GNB5: variants seen among roughly 807,000 people sequenced by gnomAD.
The protein encoded by GNB5 is guanine nucleotide-binding protein subunit beta-5.
In GNB5, 37 loss-of-function variants were observed where a neutral mutation model predicts 55.3. The observed-to-expected ratio is 0.67, with a 90% CI of 0.51 to 0.88. The LOEUF (loss-of-function observed/expected upper bound fraction) is 0.88. Among genes scored for constraint, GNB5 ranks in the 40% least tolerant of loss-of-function variants. The pLI is 0.00. For synonymous variants in GNB5, 219 were observed against 198.5 expected, an observed-to-expected ratio of 1.10 and a Z score of -0.87; for missense variants, 476 against 515.3, an observed-to-expected ratio of 0.92 and a Z score of 0.74.
intron 6 of GNB5, among the ~76,000 whole-genome samples, chr15:52,142,804 G>C (rs2033887384): frequency 6.6e-6 from 1 of 150,398 alleles, no homozygotes; most frequent in Non-Finnish European, 1.5e-5. Flanking sequence ...GAGGTACACA[G>C]GTGTATTCTT....
intron 9 of GNB5, 122 bp downstream of exon 9, chr15:52,133,256 T>A (rs1334041142): frequency 1.6e-6 from 1 of 643,598 alleles, no homozygotes; most frequent in African/African-American, 1.8e-5. Context: ...CAGCCTTTCT[T>A]CCCGGGGAGG....
chr15:52,137,266 G>A, intron 7 of GNB5: 1 of 1,148,886 alleles, frequency 8.7e-7, no homozygotes. Flanking sequence ...AAGGATCAAT[G>A]ACAACAGCAT....
At chr15:52,124,085 T>C (rs1447415545) in intron 12 of GNB5, among the ~76,000 whole-genome samples, 1 of 151,226 alleles carries the variant, frequency 6.6e-6, no homozygotes, top group East Asian at 1.9e-4. Context: ...GTGACCCTTG[T>C]CATCACAAGG....
At chr15:52,124,403 T>C (rs1031328530) in intron 12 of GNB5, 70 bp downstream of exon 12, 21 of 1,286,910 alleles carry the variant, frequency 1.6e-5, no homozygotes, top group African/African-American at 5.9e-5. Flanking sequence ...GCCTTCCCTC[T>C]GCTTCAGAAG....
At position 52,116,321 on chromosome 15, in the gene GNB5, CT is replaced by C. The variant is rs1280443981; in HGVS notation, c.*6435del. 2 of 152,182 alleles carry C rather than the reference CT, an allele frequency of 1.3e-5. No homozygotes were observed. The highest frequency in any genetic ancestry group is 3.8e-4 in the East Asian group (2 of 5,202). 9.4% of individuals were successfully genotyped at this position (152,182 alleles called of 1,614,324 possible). On this transcript the variant is annotated 3_prime_UTR_variant, in exon 13 of 13. Transcript: ENST00000261837. ...GACAGACATTTCCTGTTGTCACAGT[CT>C]TTACATAAACGCTCATACCATACTT...
At chr15:52,149,788 G>A in intron 5 of GNB5, 96 bp downstream of exon 5, 2 of 877,220 alleles carry the variant, frequency 2.3e-6, no homozygotes, top group Non-Finnish European at 3.8e-6. Context: ...GATACATGGA[G>A]AGAAATCAGG....
chr15:52,172,376 G>A (rs2034570323), intron 3 of GNB5, among the ~76,000 whole-genome samples: 1 of 151,774 alleles, frequency 6.6e-6, no homozygotes, highest in Non-Finnish European at 1.5e-5. Context: ...CAACTCCTGG[G>A]CTCAAGTGAT....
chr15:52,124,882 C>A (rs947331710), intron 11 of GNB5: 22 of 396,424 alleles, frequency 5.5e-5, no homozygotes, highest in Non-Finnish European at 9.1e-5. Flanking sequence ...AAGTGCTTTA[C>A]ACACGTAAAG....
chr15:52,159,489 G>C (rs1303307068), intron 3 of GNB5, among the ~76,000 whole-genome samples: 1 of 152,178 alleles, frequency 6.6e-6, no homozygotes, highest in African/African-American at 2.4e-5. Flanking sequence ...TGTCCAGGGA[G>C]AGGACGCTTG....
intron 2 of GNB5, 50 bp downstream of exon 2, chr15:52,184,501 G>A (rs372707673): frequency 1.4e-5 from 21 of 1,541,818 alleles, no homozygotes; most frequent in African/African-American, 2.7e-5. Flanking sequence ...CAGGACCCTC[G>A]CTTGACTGTT....
chr15:52,150,921 C>T (rs2034078425), intron 4 of GNB5, among the ~76,000 whole-genome samples: 1 of 152,174 alleles, frequency 6.6e-6, no homozygotes, highest in African/African-American at 2.4e-5. Context: ...TGGGGCCAAA[C>T]TTTGGTGAAT....
chr15:52,154,935 A>C (rs2034175670), intron 3 of GNB5, among the ~76,000 whole-genome samples: 1 of 152,190 alleles, frequency 6.6e-6, no homozygotes. Flanking sequence ...CAGGCTTTCT[A>C]GGGGCTTGCA....
chr15:52,115,231 A>T lies in GNB5; in HGVS notation c.*7526T>A, dbSNP rs2033125913. Reference sequence around the variant, plus strand: ...TTGGGGTAAATGATAAATCCTCTGGAACTGCCATTGGTAACTCAACAATGA... The same window carrying T: ...TTGGGGTAAATGATAAATCCTCTGGTACTGCCATTGGTAACTCAACAATGA... On this transcript the variant is annotated 3_prime_UTR_variant, in exon 13 of 13. Coordinates refer to ENST00000261837, the MANE Select transcript of GNB5 (RefSeq NM_016194.4). The T allele has an allele frequency of 6.6e-6, 1 of 152,192 alleles. No homozygotes were observed. Among genetic ancestry groups the T allele is most frequent in the African/African-American group, 2.4e-5 (1 of 41,424 alleles). The allele number at this position is 152,192 out of a possible 1,614,324, so 9.4% of individuals were successfully genotyped here.
chr15:52,149,777 G>C, intron 5 of GNB5, 107 bp downstream of exon 5: 1 of 812,734 alleles, frequency 1.2e-6, no homozygotes, highest in Non-Finnish European at 2.2e-6. Flanking sequence ...CTGCTTGCAG[G>C]GATACATGGA....
intron 3 of GNB5, among the ~76,000 whole-genome samples, chr15:52,171,732 A>G (rs946751684): frequency 2.6e-5 from 4 of 152,228 alleles, no homozygotes; most frequent in Admixed American, 6.5e-5. Flanking sequence ...TAATCTAGAA[A>G]GTTGGTTTTC....
chr15:52,180,063 G>T, intron 2 of GNB5, 184 bp from the exon 3 acceptor site: 2 of 669,560 alleles, frequency 3.0e-6, no homozygotes, highest in Non-Finnish European at 4.1e-6. Flanking sequence ...ACCTGGGCGC[G>T]CGCTCTGGCG....
intron 3 of GNB5, among the ~76,000 whole-genome samples, chr15:52,160,090 G>A (rs1050585226): frequency 4.6e-5 from 7 of 152,016 alleles, no homozygotes; most frequent in Admixed American, 2.6e-4. Flanking sequence ...TGGAATTCCA[G>A]GCCCATGCCA....
intron 3 of GNB5, among the ~76,000 whole-genome samples, chr15:52,159,565 G>A (rs74635322): frequency 2.5e-3 from 385 of 152,326 alleles, no homozygotes; most frequent in Middle Eastern, 6.8e-3. Flanking sequence ...CTGGATGCCA[G>A]TCCAGACCAA....
At chr15:52,178,426 G>C (rs1181880460) in intron 3 of GNB5, among the ~76,000 whole-genome samples, 1 of 152,142 alleles carries the variant, frequency 6.6e-6, no homozygotes, top group Non-Finnish European at 1.5e-5. Flanking sequence ...TTCCTGCCTT[G>C]GATACAGAAG....
Sources: allele counts gnomAD v4.1 joint callset (sites outside exome capture counted in the v4.1 genomes callset), GRCh38; gene constraint gnomAD v4.1.1; transcripts MANE v1.5; gene names NCBI Gene and HGNC (gene_info 2026-07-23, HGNC 2026-07-21).